Variants in LPP observed in about 807,000 individuals in gnomAD.
LPP encodes lipoma-preferred partner.
A neutral mutation model predicts 60.4 loss-of-function variants in LPP; 38 were observed. That is an observed-to-expected ratio of 0.63 (90% CI 0.49 to 0.83). The LOEUF (loss-of-function observed/expected upper bound fraction) is 0.83. LPP is among the 40% of genes least tolerant of loss of function. LPP has a pLI of 0.00. For synonymous variants in LPP, 328 were observed against 290.8 expected, an observed-to-expected ratio of 1.13 and a Z score of -1.30; for missense variants, 902 against 783.6, an observed-to-expected ratio of 1.15 and a Z score of -1.80.
chr3:188,735,371 T>A (rs1413977664), intron 8 of LPP, among the ~76,000 whole-genome samples: 2 of 149,560 alleles, frequency 1.3e-5, no homozygotes, highest in Admixed American at 6.7e-5. Context: ...AAAATAAAAA[T>A]TTTATTTTAT....
At chr3:188,304,559 C>G (rs73061543) in intron 2 of LPP, among the ~76,000 whole-genome samples, 1,845 of 152,246 alleles carry the variant, frequency 0.012, 45 homozygotes, top group African/African-American at 0.042. Context: ...GTACTGCTTA[C>G]CATAAAGTTA....
intron 1 of LPP, among the ~76,000 whole-genome samples, chr3:188,184,687 T>C (rs1160604927): frequency 1.1e-5 from 1 of 87,168 alleles, no homozygotes; most frequent in African/African-American, 3.6e-5. Context: ...CCGGTAAACT[T>C]TTTTTTTTTT....
At chr3:188,731,516 T>TTTTTGTTTG (rs1553817770) in intron 8 of LPP, among the ~76,000 whole-genome samples, 1 of 145,700 alleles carries the variant, frequency 6.9e-6, no homozygotes, top group African/African-American at 2.6e-5. Flanking sequence ...TTTTTTGTTT[T>TTTTTGTTTG]TTTTGTTTTG....
chr3:188,660,380 A>G (rs971478753), intron 7 of LPP, among the ~76,000 whole-genome samples: 1 of 152,242 alleles, frequency 6.6e-6, no homozygotes, highest in Admixed American at 6.5e-5. Flanking sequence ...AATAATGTGT[A>G]CATGCTTTGA....
In LPP at chr3:188,386,262, GCGCACA is replaced by G. The variant is rs1395759785; in HGVS notation, c.-9-19848_-9-19843del. Among the ~76,000 whole-genome samples, 401 of 69,542 alleles carry G rather than the reference GCGCACA, an allele frequency of 5.8e-3. 4 individuals carry two copies. Among genetic ancestry groups the G allele is most frequent in the African/African-American group, 0.018 (391 of 21,488 alleles). The allele number at this position is 69,542 out of a possible 152,430, so 45.6% of individuals were successfully genotyped here. A position where few individuals can be genotyped will look rare whatever the true frequency, so the allele number is the denominator to read the frequency against. On this transcript the variant is annotated intron_variant, in intron 3 of 11. Coordinates refer to ENST00000617246, the MANE Select transcript of LPP (RefSeq NM_001375462.1). ...AGATAGCACTTAAGTCATAGCATGC[GCGCACA>G]CACACACACACACACACACACACAC...
chr3:188,856,552 T>G (rs547741043), intron 9 of LPP, among the ~76,000 whole-genome samples: 2 of 152,348 alleles, frequency 1.3e-5, no homozygotes, highest in East Asian at 3.9e-4. Context: ...TTTACATTCT[T>G]AAACAGTGCT....
At position 188,367,416 on chromosome 3, in the gene LPP, A is replaced by G. The variant is rs139591010; in HGVS notation, c.-10+25697A>G. 1.1e-3 allele frequency among the ~76,000 whole-genome samples: 175 copies of G among 152,342 alleles called. 1 individual carries two copies. Among genetic ancestry groups the G allele is most frequent in the African/African-American group, 4.1e-3 (172 of 41,574 alleles). The stretch of plus-strand genomic sequence containing the variant: ...ATTTTAGTTGCCTATTGTCACATCT[A>G]TTATAAAATAGATCTGGTATAGATA... On this transcript the variant is annotated intron_variant, in intron 3 of 11. Transcript: ENST00000617246.
At chr3:188,277,549 T>G (rs2149869609) in intron 2 of LPP, among the ~76,000 whole-genome samples, 1 of 152,336 alleles carries the variant, frequency 6.6e-6, no homozygotes, top group African/African-American at 2.4e-5. Flanking sequence ...TAATAATTAA[T>G]AATAAAGAAT....
intron 5 of LPP, among the ~76,000 whole-genome samples, chr3:188,485,535 C>T (rs543331946): frequency 2.3e-4 from 35 of 152,170 alleles, no homozygotes; most frequent in Middle Eastern, 6.8e-3. Flanking sequence ...CGGTGGCTCA[C>T]GCCTGTAATC....
intron 3 of LPP, among the ~76,000 whole-genome samples, chr3:188,356,054 A>G (rs1767519087): frequency 6.6e-6 from 1 of 152,232 alleles, no homozygotes; most frequent in East Asian, 1.9e-4. Context: ...TGTTTTCACT[A>G]CAGAATCATC....
intron 6 of LPP, 152 bp downstream of exon 6, chr3:188,524,939 CCTTCCTTCCT>C (rs1172506866): frequency 6.6e-5 from 14 of 212,460 alleles, no homozygotes; most frequent in South Asian, 8.0e-5. Flanking sequence ...TTCCTTCCTT[CCTTCCTTCCT>C]CTCTCTCTCT....
intron 7 of LPP, among the ~76,000 whole-genome samples, chr3:188,634,855 A>G (rs1441727645): frequency 2.0e-5 from 3 of 152,300 alleles, no homozygotes; most frequent in South Asian, 4.2e-4. Context: ...CATGAACAAT[A>G]AATGTAAAGT....
rs529061503 is a variant in LPP, at chr3:188,635,502, G to A, written c.1113+25658G>A. Among the ~76,000 whole-genome samples the A allele has an allele frequency of 1.3e-3, 203 of 152,250 alleles. 1 individual carries two copies. The highest frequency in any genetic ancestry group is 4.6e-3 in the African/African-American group (191 of 41,544). On this transcript the variant is annotated intron_variant, in intron 7 of 11. Coordinates refer to ENST00000617246, the MANE Select transcript of LPP (RefSeq NM_001375462.1). ...TTGACATGCTCAGACAAGGCGTTCC[G>A]AACCATGTGAGAAATGAACGTGTGT...
intron 3 of LPP, among the ~76,000 whole-genome samples, chr3:188,402,672 T>C (rs1056243654): frequency 1.3e-5 from 2 of 152,262 alleles, no homozygotes; most frequent in African/African-American, 4.8e-5. Flanking sequence ...CATTCTCCCA[T>C]TTCTATGTAA....
At chr3:188,392,018 C>T (rs1483379152) in intron 3 of LPP, among the ~76,000 whole-genome samples, 4 of 152,194 alleles carry the variant, frequency 2.6e-5, no homozygotes, top group Non-Finnish European at 5.9e-5. Flanking sequence ...GCAAGACAGC[C>T]TGTGCAATAT....
chr3:188,347,401 C>G (rs1764689053), intron 3 of LPP, among the ~76,000 whole-genome samples: 2 of 152,166 alleles, frequency 1.3e-5, no homozygotes, highest in Non-Finnish European at 2.9e-5. Flanking sequence ...TCATATGAAA[C>G]ACATTATGCA....
At chr3:188,542,295 C>T (rs577077954) in intron 6 of LPP, among the ~76,000 whole-genome samples, 13 of 152,114 alleles carry the variant, frequency 8.5e-5, no homozygotes, top group Non-Finnish European at 1.8e-4. Context: ...AACTATAAAG[C>T]GCTATACAAA....
intron 3 of LPP, among the ~76,000 whole-genome samples, chr3:188,359,834 C>T (rs998000399): frequency 2.0e-5 from 3 of 152,148 alleles, no homozygotes; most frequent in African/African-American, 7.2e-5. Context: ...TAACTCTATT[C>T]TTGTATTGCA....
At chr3:188,596,533 T>C (rs1840011706) in intron 6 of LPP, among the ~76,000 whole-genome samples, 1 of 152,108 alleles carries the variant, frequency 6.6e-6, no homozygotes, top group African/African-American at 2.4e-5. Flanking sequence ...TTTTCTCCTA[T>C]ACAATCTACA....
Sources: allele counts gnomAD v4.1 joint callset (sites outside exome capture counted in the v4.1 genomes callset), GRCh38; gene constraint gnomAD v4.1.1; transcripts MANE v1.5; gene names NCBI Gene and HGNC (gene_info 2026-07-23, HGNC 2026-07-21).